The following ARID5B variants were observed in gnomAD, a reference collection of about 807,000 sequenced individuals.
ARID5B encodes the protein AT-rich interaction domain 5B, also known as AT-rich interactive domain-containing protein 5B.
Under a neutral mutation model 97.2 loss-of-function variants are expected in ARID5B, and 13 were observed. The observed-to-expected ratio is 0.13, with a 90% CI of 0.09 to 0.21. The LOEUF (loss-of-function observed/expected upper bound fraction) is 0.21. Among genes scored for constraint, ARID5B ranks in the 10% least tolerant of loss-of-function variants. The probability of loss-of-function intolerance (pLI) is 1.00; values close to 1 mark genes in which losing one functional copy is unlikely to be tolerated. For synonymous variants in ARID5B, 556 were observed against 570.3 expected (o/e 0.97, Z 0.36); for missense variants, 1,210 against 1,465.3 (o/e 0.83, Z 2.84).
chr10:61,915,794 C>G lies in ARID5B; in HGVS notation c.276+13381C>G, dbSNP rs149048147. Among the ~76,000 whole-genome samples, 590 of 152,304 alleles carry G rather than the reference C, an allele frequency of 3.9e-3. 6 individuals carry two copies. The highest frequency in any genetic ancestry group is 0.013 in the African/African-American group (557 of 41,568). On this transcript the variant is annotated intron_variant, in intron 2 of 9. Transcript: ENST00000279873. ...TGTTTGAGACAGAGTCTCGCTCTGT[C>G]GCCCAGGCTAGAGTGCAATGGCACG...
chr10:61,970,344 C>T (rs1271956654), intron 3 of ARID5B, among the ~76,000 whole-genome samples: 6 of 152,188 alleles, frequency 3.9e-5, no homozygotes, highest in African/African-American at 1.4e-4. Context: ...AGCCAGGGCA[C>T]TGGAGGAACA....
chr10:62,084,382 T>C (rs528669655), intron 8 of ARID5B, among the ~76,000 whole-genome samples: 2 of 152,302 alleles, frequency 1.3e-5, no homozygotes, highest in East Asian at 3.9e-4. Context: ...AGAAACCAAT[T>C]TTAGGATAGC....
intron 4 of ARID5B, among the ~76,000 whole-genome samples, chr10:62,028,096 G>A (rs1207589896): frequency 2.6e-5 from 4 of 152,162 alleles, no homozygotes; most frequent in Non-Finnish European, 1.5e-5. Context: ...TGCGTCCCTG[G>A]AAAACAAGAA....
intron 3 of ARID5B, among the ~76,000 whole-genome samples, chr10:61,958,394 A>G (rs1218739748): frequency 2.0e-5 from 3 of 151,216 alleles, no homozygotes; most frequent in African/African-American, 7.3e-5. Flanking sequence ...GCGCCCGGCT[A>G]ATTTTTGTAT....
At chr10:61,935,899 C>T (rs930433647) in intron 2 of ARID5B, among the ~76,000 whole-genome samples, 1 of 152,162 alleles carries the variant, frequency 6.6e-6, no homozygotes, top group African/African-American at 2.4e-5. Context: ...GCGGAGTTCT[C>T]ATATCTCCTT....
intron 5 of ARID5B, among the ~76,000 whole-genome samples, chr10:62,054,947 C>T (rs970910317): frequency 6.6e-6 from 1 of 152,154 alleles, no homozygotes; most frequent in African/African-American, 2.4e-5. Context: ...TTACAATTCT[C>T]AGGAACATGA....
chr10:61,951,608 A>T (rs1289080336), intron 3 of ARID5B, among the ~76,000 whole-genome samples: 1 of 152,014 alleles, frequency 6.6e-6, no homozygotes, highest in Non-Finnish European at 1.5e-5. Flanking sequence ...CATTATTGTT[A>T]TTTTTTGTTA....
intron 7 of ARID5B, among the ~76,000 whole-genome samples, chr10:62,067,246 G>T (rs1045777659): frequency 6.6e-5 from 10 of 152,082 alleles, no homozygotes; most frequent in Admixed American, 5.9e-4. Flanking sequence ...CACCACCCCG[G>T]CTGATTTTGT....
chr10:61,910,870 C>T (rs1843791922), intron 2 of ARID5B, among the ~76,000 whole-genome samples: 1 of 152,204 alleles, frequency 6.6e-6, no homozygotes, highest in African/African-American at 2.4e-5. Context: ...ATCTTTGTGG[C>T]TGTATAAATA....
chr10:62,010,190 G>C (rs1019410989), intron 4 of ARID5B, among the ~76,000 whole-genome samples: 1 of 152,124 alleles, frequency 6.6e-6, no homozygotes, highest in Non-Finnish European at 1.5e-5. Flanking sequence ...AAAGGAGAGA[G>C]GCACCAATTT....
At chr10:61,907,346 G>A (rs1194901837) in intron 2 of ARID5B, among the ~76,000 whole-genome samples, 2 of 152,162 alleles carry the variant, frequency 1.3e-5, no homozygotes, top group Non-Finnish European at 2.9e-5. Context: ...TAGCTCCTCA[G>A]TCTTGGTCTA....
chr10:61,981,437 A>G (rs1838775497), intron 3 of ARID5B, among the ~76,000 whole-genome samples: 2 of 152,016 alleles, frequency 1.3e-5, no homozygotes. Context: ...GCATACCACC[A>G]CACCCAATTA....
At chr10:62,063,268 T>C (rs2132946026) in intron 7 of ARID5B, among the ~76,000 whole-genome samples, 2 of 152,322 alleles carry the variant, frequency 1.3e-5, no homozygotes, top group South Asian at 4.1e-4. Flanking sequence ...TCAAGAAGTA[T>C]GGATAATGTA....
At chr10:61,908,820 A>AAAAAAAAGAAG (rs1251041161) in intron 2 of ARID5B, among the ~76,000 whole-genome samples, 23 of 146,246 alleles carry the variant, frequency 1.6e-4, no homozygotes, top group African/African-American at 5.8e-4. Context: ...AAAAAAAAAA[A>AAAAAAAAGAAG]AAGAAGAAGA....
At chr10:61,969,976 T>A (rs1197793520) in intron 3 of ARID5B, among the ~76,000 whole-genome samples, 1 of 152,220 alleles carries the variant, frequency 6.6e-6, no homozygotes, top group Admixed American at 6.5e-5. Context: ...ATGTTATGGC[T>A]TGCCAGTACG....
At chr10:62,025,561 T>A (rs1011240197) in intron 4 of ARID5B, among the ~76,000 whole-genome samples, 1 of 152,202 alleles carries the variant, frequency 6.6e-6, no homozygotes, top group Non-Finnish European at 1.5e-5. Context: ...ACAGTTGGCA[T>A]CTGTTGCCTG....
chr10:61,948,045 G>A (rs1490296396), intron 3 of ARID5B, among the ~76,000 whole-genome samples: 1 of 152,138 alleles, frequency 6.6e-6, no homozygotes, highest in East Asian at 1.9e-4. Context: ...GTAGAATTTT[G>A]GAATTTATTC....
chr10:61,985,971 G>T (rs1267332575), intron 3 of ARID5B, among the ~76,000 whole-genome samples: 1 of 152,074 alleles, frequency 6.6e-6, no homozygotes, highest in Non-Finnish European at 1.5e-5. Context: ...CACAAGACTG[G>T]AAGAGATTCT....
chr10:62,074,256 A>G (rs545718020), intron 8 of ARID5B, among the ~76,000 whole-genome samples: 1 of 152,198 alleles, frequency 6.6e-6, no homozygotes, highest in Non-Finnish European at 1.5e-5. Flanking sequence ...AAAATCATAA[A>G]CAAATGTATT....
Sources: allele counts gnomAD v4.1 joint callset (sites outside exome capture counted in the v4.1 genomes callset), GRCh38; gene constraint gnomAD v4.1.1; transcripts MANE v1.5; gene names NCBI Gene and HGNC (gene_info 2026-07-23, HGNC 2026-07-21).